Variants in CAT observed in about 807,000 individuals in gnomAD.
The protein encoded by CAT is epididymis secretory sperm binding protein.
In CAT, 43 loss-of-function variants were observed where a neutral mutation model predicts 59.0. The ratio of observed to expected loss-of-function variants is 0.73; its 90% CI spans 0.57 to 0.94. The LOEUF (loss-of-function observed/expected upper bound fraction) is 0.94, where lower values mean the gene tolerates loss of function less well. CAT is among the 40% of genes least tolerant of loss of function. The pLI is 0.00. For missense variants in CAT, 664 were observed against 682.9 expected, an observed-to-expected ratio of 0.97 and a Z score of 0.31; for synonymous variants, 218 against 230.9, an observed-to-expected ratio of 0.94 and a Z score of 0.51.
At chr11:34,456,903 G>A in intron 8 of CAT, 86 bp downstream of exon 8, 1 of 1,392,448 alleles carries the variant, frequency 7.2e-7, no homozygotes, top group Non-Finnish European at 1.0e-6. Context: ...TGATCTTTAT[G>A]TGAGGAATTA....
chr11:34,470,430 T>C (rs546402824), intron 11 of CAT, among the ~76,000 whole-genome samples: 1 of 152,178 alleles, frequency 6.6e-6, no homozygotes, highest in African/African-American at 2.4e-5. Flanking sequence ...TAGGCATGAT[T>C]GATGAAATTA....
chr11:34,456,031 C>G lies in CAT; in HGVS notation c.732C>G (p.Asn244Lys). Reference sequence around the variant, plus strand: ...TGTAGACTGACCAGGGCATCAAAAACCTTTCTGTTGAAGATGCGGCGAGAC... The same window carrying G: ...TGTAGACTGACCAGGGCATCAAAAAGCTTTCTGTTGAAGATGCGGCGAGAC... ...FHYKTDQGIKNLSVEDAARLS... is the reference protein window; with the variant it reads ...FHYKTDQGIKKLSVEDAARLS... Residue 244 changes from asparagine to lysine, a missense_variant, in exon 7 of 13, where the codon AAC (asparagine) becomes AAG (lysine). Asn to Lys is a moderately conservative substitution (Grantham distance 94). Coordinates refer to ENST00000241052, the MANE Select transcript of CAT (RefSeq NM_001752.4). 1 of 1,614,052 alleles carries G rather than the reference C, an allele frequency of 6.2e-7. No individual in the cohort carries two copies. The highest frequency in any genetic ancestry group is 1.7e-5 in the Admixed American group (1 of 59,992).
Position 34,451,057 on chromosome 11 carries a change from T to C in CAT, c.308T>C (p.Ile103Thr). 1 of 1,613,898 alleles carries C rather than the reference T, an allele frequency of 6.2e-7. No individual in the cohort carries two copies. Among genetic ancestry groups the C allele is most frequent in the Non-Finnish European group, 8.5e-7 (1 of 1,179,752 alleles). ...TCCAAGGCAAAGGTATTTGAGCATA[T>C]TGGAAAGAAGACTCCCATCGCAGTT... ...KYSKAKVFEH[I>T]GKKTPIAVRF... The change falls in exon 3 of 13, where the codon ATT becomes ACT. Residue 103 changes from isoleucine to threonine, a missense_variant. Ile to Thr is a moderately conservative substitution (Grantham distance 89). Transcript: ENST00000241052.
In CAT at chr11:34,468,321, G is replaced by C; in HGVS notation, c.1360G>C (p.Glu454Gln). 6.2e-7 allele frequency: 1 copy of C among 1,614,070 alleles called. No individual in the cohort carries two copies. The highest frequency in any genetic ancestry group is 1.1e-5 in the South Asian group (1 of 91,078). ...ATTCTATGTGAACGTGCTGAATGAGGAACAGAGGAAACGTCTGTGTGAGAA... is the reference window on the plus strand; with the variant it reads ...ATTCTATGTGAACGTGCTGAATGAGCAACAGAGGAAACGTCTGTGTGAGAA... ...RAFYVNVLNE[E>Q]QRKRLCENIA... is the part of the protein sequence containing the mutation. Residue 454 changes from glutamate (E) to glutamine (Q), a missense_variant, in exon 11 of 13, where the codon GAA becomes CAA. By Grantham distance (29) the Glu-to-Gln change is conservative. Coordinates refer to ENST00000241052, the MANE Select transcript of CAT (RefSeq NM_001752.4).
At chr11:34,464,536 T>C (rs777539063) in intron 10 of CAT, among the ~76,000 whole-genome samples, 1 of 152,138 alleles carries the variant, frequency 6.6e-6, no homozygotes, top group African/African-American at 2.4e-5. Flanking sequence ...GAAATGAGCA[T>C]GTACAGCTTA....
chr11:34,468,542 C>T (rs973975098), intron 11 of CAT, 147 bp downstream of exon 11: 3 of 669,498 alleles, frequency 4.5e-6, no homozygotes, highest in Non-Finnish European at 8.0e-6. Context: ...TAATCCCCAA[C>T]CAACTTCTGA....
chr11:34,471,160 CT>C, intron 12 of CAT, 119 bp downstream of exon 12: 1 of 964,882 alleles, frequency 1.0e-6, no homozygotes, highest in Non-Finnish European at 1.7e-6. Context: ...TGTTAGATTT[CT>C]TAGGCAGCTG....
rs1856518811 is a variant in CAT at position 34,451,071 on chromosome 11, C to T, written c.322C>T (p.Pro108Ser). 2.5e-6 allele frequency: 4 copies of T among 1,612,020 alleles called. No individual in the cohort carries two copies. Among genetic ancestry groups the T allele is most frequent in the Non-Finnish European group, 3.4e-6 (4 of 1,178,066 alleles). Residue 108 changes from proline (P) to serine (S), a missense_variant, in exon 3 of 13, where the codon CCC becomes TCC. By Grantham distance (74) the Pro-to-Ser change is moderately conservative. Coordinates refer to ENST00000241052, the MANE Select transcript of CAT (RefSeq NM_001752.4). ...KVFEHIGKKT[P>S]IAVRFSTVAG... ...ATTTGAGCATATTGGAAAGAAGACTCCCATCGCAGTTCGGTTCTCCACTGT... is the reference window on the plus strand; with the variant it reads ...ATTTGAGCATATTGGAAAGAAGACTTCCATCGCAGTTCGGTTCTCCACTGT...
intron 11 of CAT, among the ~76,000 whole-genome samples, chr11:34,469,053 T>C (rs1856748494): frequency 6.6e-6 from 1 of 152,260 alleles, no homozygotes; most frequent in Non-Finnish European, 1.5e-5. Flanking sequence ...AGGCTAGACT[T>C]TCATGCTAAG....
At chr11:34,466,552 C>T (rs959991995) in intron 10 of CAT, among the ~76,000 whole-genome samples, 43 of 151,764 alleles carry the variant, frequency 2.8e-4, no homozygotes, top group Middle Eastern at 3.4e-3. Flanking sequence ...CTGAGGTGGG[C>T]GGATCACGAG....
chr11:34,455,974 TAA>T lies in CAT; in HGVS notation c.712-36_712-35del, dbSNP rs772138927. The T allele has an allele frequency of 1.1e-5, 17 of 1,581,824 alleles. No individual in the cohort carries two copies. The African/African-American group carries it at 2.0e-4, about 19-fold the overall frequency. The stretch of plus-strand genomic sequence containing the variant: ...GATGAAATTTTGATAACTTTGACAA[TAA>T]GTTTCCATTGGAGCTTCTTTCTTTC... On this transcript the variant is annotated intron_variant, in intron 6 of 12. Coordinates refer to ENST00000241052, the MANE Select transcript of CAT (RefSeq NM_001752.4).
At chr11:34,448,669 T>TA (rs1407550380) in intron 1 of CAT, among the ~76,000 whole-genome samples, 1 of 152,204 alleles carries the variant, frequency 6.6e-6, no homozygotes, top group African/African-American at 2.4e-5. Flanking sequence ...CTTTTTTTTT[T>TA]TAATTGAAAA....
At chr11:34,440,262 T>C (rs1856372886) in intron 1 of CAT, among the ~76,000 whole-genome samples, 1 of 152,200 alleles carries the variant, frequency 6.6e-6, no homozygotes, top group East Asian at 1.9e-4. Flanking sequence ...GCCATTCTCC[T>C]CCAAGGGCCT....
intron 1 of CAT, among the ~76,000 whole-genome samples, chr11:34,447,420 T>C (rs1856470272): frequency 6.6e-6 from 1 of 152,212 alleles, no homozygotes; most frequent in Non-Finnish European, 1.5e-5. Flanking sequence ...AAATTTTTTT[T>C]CTGGTTCATT....
At chr11:34,463,886 C>T (rs1362109837) in intron 9 of CAT, among the ~76,000 whole-genome samples, 1 of 152,160 alleles carries the variant, frequency 6.6e-6, no homozygotes, top group Non-Finnish European at 1.5e-5. Context: ...GCAGCCTGTG[C>T]AAGCATTTAG....
intron 2 of CAT, among the ~76,000 whole-genome samples, chr11:34,449,902 T>C (rs767755059): frequency 1.4e-4 from 21 of 152,208 alleles, no homozygotes; most frequent in Admixed American, 3.3e-4. Context: ...GGCCAGAGCC[T>C]GTCCTGGCAG....
At chr11:34,451,353 A>T (rs751277867) in intron 3 of CAT, among the ~76,000 whole-genome samples, 12 of 152,254 alleles carry the variant, frequency 7.9e-5, no homozygotes, top group Non-Finnish European at 1.5e-4. Flanking sequence ...GAGCTTTCCT[A>T]AAAGTGGTTG....
At chr11:34,464,040 G>T in intron 9 of CAT, 65 bp from the exon 10 acceptor site, 1 of 1,531,044 alleles carries the variant, frequency 6.5e-7, no homozygotes, top group Non-Finnish European at 9.1e-7. Flanking sequence ...TCATCACAGT[G>T]ATTATTTGCA....
chr11:34,464,584 A>C (rs1198775540), intron 10 of CAT, among the ~76,000 whole-genome samples: 3 of 152,154 alleles, frequency 2.0e-5, no homozygotes, highest in Admixed American at 6.5e-5. Flanking sequence ...AGGACAGTCC[A>C]GGTTCAAGGA....
Sources: gnomAD v4.1 joint callset for allele counts (sites outside exome capture counted in the v4.1 genomes callset) on GRCh38, gnomAD v4.1.1 for gene constraint, MANE v1.5 for transcripts, NCBI Gene and HGNC (gene_info 2026-07-23, HGNC 2026-07-21) for gene names.